Variants in TIMELESS observed in about 807,000 individuals in gnomAD.
TIMELESS encodes protein timeless homolog.
TIMELESS carries 124 observed loss-of-function variants against 164.3 expected under a neutral mutation model. The observed-to-expected ratio is 0.75, with a 90% CI of 0.65 to 0.88. TIMELESS has a LOEUF of 0.88. Ranked by LOEUF, TIMELESS falls within the 40% of genes least tolerant of loss-of-function variation. The pLI is 0.00. For missense variants in TIMELESS, 1,422 were observed against 1,491.4 expected (o/e 0.95, Z 0.77); for synonymous variants, 564 against 563.4 (o/e 1.00, Z -0.02).
At position 56,417,653 on chromosome 12, in the gene TIMELESS, A is replaced by C; in HGVS notation, c.*63T>G. ...CTTCTGGGTCCTGTATGACCCTTCC[A>C]ACTCTGACTTGAATGCACCATCTAA... On this transcript the variant is annotated 3_prime_UTR_variant, in exon 29 of 29. Transcript: ENST00000553532. 1 of 1,553,014 alleles carries C rather than the reference A, an allele frequency of 6.4e-7. No homozygotes were observed. Among genetic ancestry groups the C allele is most frequent in the African/African-American group, 1.4e-5 (1 of 73,724 alleles).
intron 1 of TIMELESS, among the ~76,000 whole-genome samples, chr12:56,438,625 G>A (rs7964902): frequency 0.91 from 137,650 of 151,626 alleles, 62,845 homozygotes; most frequent in Non-Finnish European, 0.96. Flanking sequence ...TTTAAAAAAT[G>A]AAATTATCCG....
Position 56,433,073 on chromosome 12 carries a change from G to C in TIMELESS, c.484C>G (p.Leu162Val). 1.2e-5 allele frequency: 20 copies of C among 1,613,682 alleles called. No individual in the cohort carries two copies. Among genetic ancestry groups the C allele is most frequent in the Non-Finnish European group, 1.6e-5 (19 of 1,179,966 alleles). ...DNLLIERILL[L>V]VRNILHVPAD... ...GGGACATGGAGAATATTTCTGACCAGCAGTAGGATCCGTTCAATCAGCAAG... is the reference window on the plus strand; with the variant it reads ...GGGACATGGAGAATATTTCTGACCACCAGTAGGATCCGTTCAATCAGCAAG... The change falls in exon 6 of 29, where the codon CTG becomes GTG. Residue 162 changes from leucine to valine, a missense_variant. By Grantham distance (32) the Leu-to-Val change is conservative. Coordinates refer to ENST00000553532, the MANE Select transcript of TIMELESS (RefSeq NM_003920.5).
intron 1 of TIMELESS, among the ~76,000 whole-genome samples, chr12:56,438,192 T>G (rs189348649): frequency 5.9e-5 from 9 of 152,198 alleles, no homozygotes; most frequent in Admixed American, 5.9e-4. Flanking sequence ...ATTACAGGCA[T>G]GCACCACAAC....
chr12:56,432,393 A>G lies in TIMELESS; in HGVS notation c.663T>C (p.Ile221=). Residue 221 remains isoleucine, a synonymous_variant, in exon 7 of 29, where the codon ATT becomes ATC. Coordinates refer to ENST00000553532, the MANE Select transcript of TIMELESS (RefSeq NM_003920.5). ...CCTGGTCACGAAACATAAGGGAGAC[A>G]ATCTCTAGCACATGTAGGCTCCATT... ...EEQWSLHVLE[I]VSLMFRDQNP... 1.2e-6 allele frequency: 2 copies of G among 1,614,100 alleles called. No individual in the cohort carries two copies. Among genetic ancestry groups the G allele is most frequent in the Non-Finnish European group, 1.7e-6 (2 of 1,179,938 alleles).
chr12:56,432,544 G>C lies in TIMELESS; in HGVS notation c.532-20C>G. 1 of 1,607,370 alleles carries C rather than the reference G, an allele frequency of 6.2e-7. No individual in the cohort carries two copies. Among genetic ancestry groups the C allele is most frequent in the Non-Finnish European group, 8.5e-7 (1 of 1,175,294 alleles). ...AATCTTCTGAGCAGTGAGTGGTGAGGGTAGAAAGGAAGCTCATTCAATCCC... is the reference window on the plus strand; with the variant it reads ...AATCTTCTGAGCAGTGAGTGGTGAGCGTAGAAAGGAAGCTCATTCAATCCC... On this transcript the variant is annotated intron_variant, in intron 6 of 28. Transcript: ENST00000553532.
chr12:56,424,809 G>A lies in TIMELESS; in HGVS notation c.1821C>T (p.Leu607=). Residue 607 remains leucine, a synonymous_variant, in exon 15 of 29, where the codon CTC becomes CTT. Coordinates refer to ENST00000553532, the MANE Select transcript of TIMELESS (RefSeq NM_003920.5). ...GGGCCTGTGGGGCCTGGCCAGCCAG[G>A]AGACAGTCTTGGATCCGTACCATAG... ...AEAMVRIQDC[L]LAGQAPQALT... The A allele has an allele frequency of 1.2e-6, 2 of 1,614,198 alleles. No individual in the cohort carries two copies. The highest frequency in any genetic ancestry group is 1.3e-5 in the African/African-American group (1 of 75,054).
intron 19 of TIMELESS, 39 bp downstream of exon 19, chr12:56,422,808 C>A: frequency 9.0e-6 from 11 of 1,223,806 alleles, no homozygotes; most frequent in East Asian, 2.6e-5. Flanking sequence ...CATCAAACTT[C>A]CCCTACCCCC....
intron 1 of TIMELESS, among the ~76,000 whole-genome samples, chr12:56,439,804 C>T (rs1027621851): frequency 6.6e-6 from 1 of 152,162 alleles, no homozygotes; most frequent in Non-Finnish European, 1.5e-5. Flanking sequence ...CTGTTTCTAC[C>T]ATTTTAACAC....
rs1475048551 is a variant in TIMELESS at position 56,421,734 on chromosome 12, G to A, written c.2718C>T (p.Asp906=). 6.2e-7 allele frequency: 1 copy of A among 1,614,082 alleles called. No individual in the cohort carries two copies. The highest frequency in any genetic ancestry group is 1.1e-5 in the South Asian group (1 of 91,082). ...ELQRLFEEFR[D]SDDVLGHIMK... The stretch of plus-strand genomic sequence containing the variant: ...AGTTTCCAGCTTACTCACCATCTGA[G>A]TCCCGGAATTCCTCAAAAAGCCGCT... Residue 906 remains aspartate (D), a synonymous_variant, in exon 22 of 29, where the codon GAC becomes GAT. Transcript: ENST00000553532.
chr12:56,444,329 T>C (rs1868319339), intron 1 of TIMELESS, among the ~76,000 whole-genome samples: 1 of 152,180 alleles, frequency 6.6e-6, no homozygotes, highest in Non-Finnish European at 1.5e-5. Flanking sequence ...TTCCTTCCTG[T>C]TAGGAACAAT....
intron 1 of TIMELESS, among the ~76,000 whole-genome samples, chr12:56,448,666 T>C (rs955625169): frequency 6.6e-6 from 1 of 151,562 alleles, no homozygotes; most frequent in Non-Finnish European, 1.5e-5. Context: ...GAGGCGGAGG[T>C]TGCAGTGAGC....
intron 1 of TIMELESS, among the ~76,000 whole-genome samples, chr12:56,446,652 G>T (rs1331871855): frequency 6.6e-6 from 1 of 152,044 alleles, no homozygotes; most frequent in East Asian, 1.9e-4. Flanking sequence ...CCAACATGGT[G>T]AAACCCTGTC....
chr12:56,433,185 C>G (rs1881953508), intron 5 of TIMELESS, 58 bp from the exon 6 acceptor site: 1 of 1,554,788 alleles, frequency 6.4e-7, no homozygotes, highest in Non-Finnish European at 8.9e-7. Flanking sequence ...AGTATGTACT[C>G]TGGCTGGAAG....
At chr12:56,420,719 A>G (rs1234682323) in intron 25 of TIMELESS, 32 bp from the exon 26 acceptor site, 1 of 1,613,502 alleles carries the variant, frequency 6.2e-7, no homozygotes, top group Non-Finnish European at 8.5e-7. Context: ...TATGGTGAAG[A>G]TATAAGGGAA....
rs1881472466 is a variant in TIMELESS at position 56,421,236 on chromosome 12, C to T, written c.2869-102G>A. 1.9e-6 allele frequency: 3 copies of T among 1,585,194 alleles called. No homozygotes were observed. In the Admixed American group the frequency reaches 5.2e-5, roughly 28 times the overall value. On this transcript the variant is annotated intron_variant, in intron 23 of 28. Coordinates refer to ENST00000553532, the MANE Select transcript of TIMELESS (RefSeq NM_003920.5). ...CACCGCACCCCCCCGCGCCTGCTCT[C>T]TCGGAAGGACCTGGTCAGAACAGCC...
chr12:56,427,404 T>C (rs972334515), intron 13 of TIMELESS, among the ~76,000 whole-genome samples: 6 of 152,220 alleles, frequency 3.9e-5, no homozygotes, highest in Non-Finnish European at 7.3e-5. Context: ...ATTACAGGCA[T>C]GAGCCACTGT....
chr12:56,440,978 A>C (rs888647321), intron 1 of TIMELESS, among the ~76,000 whole-genome samples: 1 of 121,508 alleles, frequency 8.2e-6, no homozygotes, highest in African/African-American at 2.9e-5. Flanking sequence ...CCACCATGCC[A>C]GGCTAATTTT....
Position 56,428,601 on chromosome 12 carries a change from C to T in TIMELESS, c.1356G>A (p.Glu452=). ...AYQELLATVN[E]MDISPDEAVR... ...CAGCCTCATCTGGAGATATGTCCAT[C>T]TCATTCACTGTTGCCAGCAGCTCCT... The change falls in exon 12 of 29, where the codon GAG becomes GAA. Residue 452 remains glutamate, a synonymous_variant. Coordinates refer to ENST00000553532, the MANE Select transcript of TIMELESS (RefSeq NM_003920.5). 1 of 1,614,146 alleles carries T rather than the reference C, an allele frequency of 6.2e-7. No individual in the cohort carries two copies. Among genetic ancestry groups the T allele is most frequent in the Non-Finnish European group, 8.5e-7 (1 of 1,180,030 alleles).
Position 56,432,544 on chromosome 12 carries a change from G to A in TIMELESS, c.532-20C>T, listed in dbSNP as rs771930475. On this transcript the variant is annotated intron_variant, in intron 6 of 28. Coordinates refer to ENST00000553532, the MANE Select transcript of TIMELESS (RefSeq NM_003920.5). ...AATCTTCTGAGCAGTGAGTGGTGAG[G>A]GTAGAAAGGAAGCTCATTCAATCCC... The A allele has an allele frequency of 8.7e-6, 14 of 1,607,252 alleles. No individual in the cohort carries two copies. Among genetic ancestry groups the A allele is most frequent in the African/African-American group, 1.3e-5 (1 of 74,742 alleles).
Sources: allele counts gnomAD v4.1 joint callset (sites outside exome capture counted in the v4.1 genomes callset), GRCh38; gene constraint gnomAD v4.1.1; transcripts MANE v1.5; gene names NCBI Gene and HGNC (gene_info 2026-07-23, HGNC 2026-07-21).